The following CD2AP variants were observed in gnomAD, a reference collection of about 807,000 sequenced individuals.
CD2AP encodes the protein CD2-associated protein.
In CD2AP, 46 loss-of-function variants were observed where a neutral mutation model predicts 85.1. The ratio of observed to expected loss-of-function variants is 0.54; its 90% CI spans 0.43 to 0.69. The LOEUF (loss-of-function observed/expected upper bound fraction) is 0.69, where lower values mean the gene tolerates loss of function less well. Among genes scored for constraint, CD2AP ranks in the 30% least tolerant of loss-of-function variants. The pLI is 0.00. For missense variants in CD2AP, 769 were observed against 729.5 expected, an observed-to-expected ratio of 1.05 and a Z score of -0.62; for synonymous variants, 255 against 252.9, an observed-to-expected ratio of 1.01 and a Z score of -0.08.
intron 5 of CD2AP, among the ~76,000 whole-genome samples, chr6:47,572,091 C>A (rs1338567207): frequency 6.6e-6 from 1 of 152,104 alleles, no homozygotes; most frequent in Non-Finnish European, 1.5e-5. Flanking sequence ...ATTGTAATAA[C>A]CAAACATGTC....
At chr6:47,551,873 A>G (rs545558444) in intron 4 of CD2AP, among the ~76,000 whole-genome samples, 1 of 152,354 alleles carries the variant, frequency 6.6e-6, no homozygotes, top group South Asian at 2.1e-4. Flanking sequence ...ACTCTCTTAC[A>G]GTGTAGGCAT....
At chr6:47,487,462 G>A (rs1006597156) in intron 1 of CD2AP, among the ~76,000 whole-genome samples, 9 of 152,106 alleles carry the variant, frequency 5.9e-5, no homozygotes, top group Admixed American at 4.6e-4. Context: ...AGGCCGAGGC[G>A]GACAGATCAC....
At chr6:47,562,009 C>T (rs1352396594) in intron 5 of CD2AP, among the ~76,000 whole-genome samples, 1 of 152,172 alleles carries the variant, frequency 6.6e-6, no homozygotes, top group Non-Finnish European at 1.5e-5. Context: ...CGTGATCCGC[C>T]CACCTCGGCC....
chr6:47,552,731 T>C (rs1219311015), intron 4 of CD2AP, among the ~76,000 whole-genome samples: 1 of 152,140 alleles, frequency 6.6e-6, no homozygotes, highest in Non-Finnish European at 1.5e-5. Context: ...CTCCGTTTGT[T>C]GTATTTATTC....
rs1769691515 is a variant in CD2AP at position 47,619,581 on chromosome 6, C to A, written c.1879-4605C>A. Among the ~76,000 whole-genome samples the A allele has an allele frequency of 2.6e-5, 4 of 152,088 alleles. No homozygotes were observed. The South Asian group carries it at 8.3e-4, about 32-fold the overall frequency. ...TGACTTCTTTTCCTCTGGGTAGATA[C>A]CCAGTAGTGGGATTGCTGGATCAAA... On this transcript the variant is annotated intron_variant, in intron 17 of 17. Transcript: ENST00000359314.
At chr6:47,624,113 A>T in intron 17 of CD2AP, 73 bp from the exon 18 acceptor site, 1 of 1,175,324 alleles carries the variant, frequency 8.5e-7, no homozygotes, top group Non-Finnish European at 1.3e-6. Context: ...ATCACATCTT[A>T]ATGACATAGA....
At chr6:47,606,763 T>A (rs115530582) in intron 14 of CD2AP, among the ~76,000 whole-genome samples, 1 of 152,108 alleles carries the variant, frequency 6.6e-6, no homozygotes, top group Non-Finnish European at 1.5e-5. Context: ...ATAATAATTA[T>A]ATCAGGGTAA....
rs536418416 is a variant in CD2AP, at chr6:47,609,331, A to G, written c.1814+27A>G. 1.4e-5 allele frequency: 22 copies of G among 1,526,832 alleles called. No individual in the cohort carries two copies. The East Asian group carries it at 4.3e-4, about 30-fold the overall frequency. 94.6% of individuals were successfully genotyped at this position (1,526,832 alleles called of 1,614,324 possible). A position where few individuals can be genotyped will look rare whatever the true frequency, so the allele number is the denominator to read the frequency against. On this transcript the variant is annotated intron_variant, in intron 16 of 17. Coordinates refer to ENST00000359314, the MANE Select transcript of CD2AP (RefSeq NM_012120.3). ...TAAGTAGCCCTTCTTTTCTCCTGTG[A>G]GTACTACTTAACCCATGCATAAAGA...
chr6:47,556,765 A>C (rs1767704564), intron 5 of CD2AP, among the ~76,000 whole-genome samples: 1 of 152,164 alleles, frequency 6.6e-6, no homozygotes, highest in Non-Finnish European at 1.5e-5. Flanking sequence ...GCTGTTGTTA[A>C]ATAGTGCTGC....
At chr6:47,522,457 A>G (rs9296562) in intron 2 of CD2AP, among the ~76,000 whole-genome samples, 50,695 of 152,038 alleles carry the variant, frequency 0.33, 9,324 homozygotes, top group Middle Eastern at 0.52. Context: ...GCTGCTTTAA[A>G]AAATAAGTGG....
chr6:47,567,895 G>A (rs1768044557), intron 5 of CD2AP, among the ~76,000 whole-genome samples: 1 of 152,194 alleles, frequency 6.6e-6, no homozygotes, highest in Non-Finnish European at 1.5e-5. Context: ...ATTGGTGGCA[G>A]TATGGAGAGT....
chr6:47,576,487 A>G (rs766248270), intron 6 of CD2AP, 37 bp from the exon 7 acceptor site: 9 of 1,327,928 alleles, frequency 6.8e-6, no homozygotes, highest in South Asian at 2.3e-5. Flanking sequence ...TCTTTATTCT[A>G]TCTTAAAATA....
At chr6:47,615,403 A>T (rs1037167194) in intron 17 of CD2AP, among the ~76,000 whole-genome samples, 1 of 152,202 alleles carries the variant, frequency 6.6e-6, no homozygotes, top group Admixed American at 6.5e-5. Context: ...TAATTGGCTC[A>T]TGGTTCTACA....
chr6:47,577,579 A>C (rs1464474754), intron 8 of CD2AP, among the ~76,000 whole-genome samples: 1 of 152,232 alleles, frequency 6.6e-6, no homozygotes, highest in Non-Finnish European at 1.5e-5. Flanking sequence ...TAAAGAATGA[A>C]GTGATTTTAT....
In CD2AP at chr6:47,564,450, A is replaced by G. The variant is rs545864841; in HGVS notation, c.542-9614A>G. ...TTTAGTTCATTACTTTTATAATTAT[A>G]AAATACTTTGCACATTTTCTTATGC... On this transcript the variant is annotated intron_variant, in intron 5 of 17. Transcript: ENST00000359314. 2.5e-4 allele frequency among the ~76,000 whole-genome samples: 38 copies of G among 152,290 alleles called. No homozygotes were observed. In the South Asian group the frequency reaches 7.9e-3, roughly 32 times the overall value.
chr6:47,504,661 T>G (rs1269695392), intron 2 of CD2AP, among the ~76,000 whole-genome samples: 1 of 149,350 alleles, frequency 6.7e-6, no homozygotes, highest in African/African-American at 2.5e-5. Flanking sequence ...GCCGACTGTA[T>G]TTTATTCTGC....
At chr6:47,579,349 G>C (rs75176322) in intron 8 of CD2AP, 36 bp from the exon 9 acceptor site, 1 of 750,902 alleles carries the variant, frequency 1.3e-6, no homozygotes, top group Non-Finnish European at 2.1e-6. Flanking sequence ...AAAAAAAAAA[G>C]GTCTATTGTC....
intron 2 of CD2AP, among the ~76,000 whole-genome samples, chr6:47,504,476 CTG>C (rs1190964692): frequency 6.6e-6 from 1 of 152,222 alleles, no homozygotes; most frequent in East Asian, 1.9e-4. Flanking sequence ...ATGCTCAGAT[CTG>C]TTATATAAAA....
intron 2 of CD2AP, among the ~76,000 whole-genome samples, chr6:47,508,266 G>A (rs1303674378): frequency 6.6e-6 from 1 of 152,210 alleles, no homozygotes; most frequent in Non-Finnish European, 1.5e-5. Flanking sequence ...CTTCATCAGT[G>A]ATCTTAGCTA....
Sources: allele counts gnomAD v4.1 joint callset (sites outside exome capture counted in the v4.1 genomes callset), GRCh38; gene constraint gnomAD v4.1.1; transcripts MANE v1.5; gene names NCBI Gene and HGNC (gene_info 2026-07-23, HGNC 2026-07-21).